COPB2: variants seen among roughly 807,000 people sequenced by gnomAD.
COPB2 encodes the protein coatomer subunit beta'.
COPB2 carries 16 observed loss-of-function variants against 120.8 expected under a neutral mutation model. The observed-to-expected ratio is 0.13, with a 90% CI of 0.09 to 0.20. COPB2 has a LOEUF of 0.20. COPB2 is among the 10% of genes least tolerant of loss of function. The pLI is 1.00. For synonymous variants in COPB2, 332 were observed against 366.3 expected, an observed-to-expected ratio of 0.91 and a Z score of 1.07; for missense variants, 794 against 1,076.5, an observed-to-expected ratio of 0.74 and a Z score of 3.67.
At chr3:139,380,478 C>T (rs1359727121) in intron 2 of COPB2, 1 of 152,162 alleles carries the variant, frequency 6.6e-6, no homozygotes, top group East Asian at 1.9e-4. Context: ...GAATTATACA[C>T]ATAGGATAAA....
chr3:139,358,306 G>C, intron 20 of COPB2, 35 bp from the exon 21 acceptor site: 5 of 1,554,608 alleles, frequency 3.2e-6, no homozygotes, highest in Non-Finnish European at 4.4e-6. Flanking sequence ...ATGAAGACAA[G>C]GGAATTTACT....
At chr3:139,374,292 T>TGATGAC (rs1206049076) in intron 7 of COPB2, 197 bp downstream of exon 7, 2 of 518,192 alleles carry the variant, frequency 3.9e-6, no homozygotes, top group African/African-American at 4.4e-5. Flanking sequence ...TACATGAGAA[T>TGATGAC]GATGACGATG....
At chr3:139,389,357 A>G (rs762309991) in intron 1 of COPB2, 191 bp downstream of exon 1, 5 of 945,806 alleles carry the variant, frequency 5.3e-6, no homozygotes, top group Non-Finnish European at 6.9e-6. Context: ...TGCCTCCCCA[A>G]ATCACCCCGG....
chr3:139,359,274 A>C lies in COPB2; in HGVS notation c.2299T>G (p.Ser767Ala), dbSNP rs199750374. The C allele has an allele frequency of 6.8e-5, 109 of 1,614,166 alleles. No individual in the cohort carries two copies. Among genetic ancestry groups the C allele is most frequent in the Non-Finnish European group, 9.0e-5 (106 of 1,179,998 alleles). Residue 767 changes from serine to alanine, a missense_variant, in exon 18 of 22, where the codon TCA becomes GCA. By Grantham distance (99) the Ser-to-Ala change is moderately conservative. Transcript: ENST00000333188. Reference protein sequence around the residue: ...LARTYLPSQVSRVVKLWRENL... With the variant: ...LARTYLPSQVARVVKLWRENL... ...CCTAAAATTAAAAGTCTGTACCTTGAAACCTGACTGGGTAAGTAAGTTCGG... is the reference window on the plus strand; with the variant it reads ...CCTAAAATTAAAAGTCTGTACCTTGCAACCTGACTGGGTAAGTAAGTTCGG...
At chr3:139,368,086 TAAG>T (rs1941552176) in intron 13 of COPB2, 56 bp downstream of exon 13, 1 of 1,553,134 alleles carries the variant, frequency 6.4e-7, no homozygotes, top group African/African-American at 1.4e-5. Flanking sequence ...AAGTCTGTTG[TAAG>T]AATATAAATC....
At chr3:139,387,262 A>G (rs933842305) in intron 1 of COPB2, among the ~76,000 whole-genome samples, 1 of 151,812 alleles carries the variant, frequency 6.6e-6, no homozygotes, top group African/African-American at 2.4e-5. Flanking sequence ...AAGGAAAGAA[A>G]AGAAAAAGAA....
Position 139,369,261 on chromosome 3 carries a change from A to G in COPB2, c.1401T>C (p.His467=). Residue 467 remains histidine, a splice_region_variant and synonymous_variant, in exon 12 of 22, where the codon CAT becomes CAC. Transcript: ENST00000333188. ...AAACAACAATGGAGGGGAAACTCAC[A>G]TGTTTGGGCTGAATTTCAATTCTTC... is the stretch of plus-strand genomic sequence containing the variant. The part of the protein sequence containing the change: ...LIRRIEIQPK[H]IFWSDSGELV... The G allele has an allele frequency of 6.2e-7, 1 of 1,601,062 alleles. No individual in the cohort carries two copies. The highest frequency in any genetic ancestry group is 8.5e-7 in the Non-Finnish European group (1 of 1,172,652).
At chr3:139,376,673 A>G (rs373038317) in intron 5 of COPB2, among the ~76,000 whole-genome samples, 8 of 152,256 alleles carry the variant, frequency 5.3e-5, no homozygotes, top group South Asian at 4.1e-4. Context: ...AGTGTTTTAT[A>G]TAGGTGAAAG....
At position 139,375,510 on chromosome 3, in the gene COPB2, A is replaced by G. The variant is rs778569468; in HGVS notation, c.609T>C (p.Ile203=). ...YYSGGDKPYL[I]SGADDRLVKI... Reference sequence around the variant, plus strand: ...TAACAAGACGGTCATCTGCACCTGAAATGAGGTATGGCTTGTCCCCACCAC... The same window carrying G: ...TAACAAGACGGTCATCTGCACCTGAGATGAGGTATGGCTTGTCCCCACCAC... Residue 203 remains isoleucine (I), a synonymous_variant, in exon 6 of 22, where the codon ATT becomes ATC. Transcript: ENST00000333188. The G allele has an allele frequency of 1.9e-6, 3 of 1,613,780 alleles. No individual in the cohort carries two copies. The highest frequency in any genetic ancestry group is 2.5e-6 in the Non-Finnish European group (3 of 1,179,740).
chr3:139,382,625 T>C (rs1395042273), intron 2 of COPB2: 1 of 152,276 alleles, frequency 6.6e-6, no homozygotes, highest in Non-Finnish European at 1.5e-5. Flanking sequence ...ATGCGAATTT[T>C]ACCTGGATTT....
At chr3:139,364,380 A>T (rs1434072799) in intron 15 of COPB2, among the ~76,000 whole-genome samples, 1 of 152,138 alleles carries the variant, frequency 6.6e-6, no homozygotes, top group Non-Finnish European at 1.5e-5. Flanking sequence ...CAAACTAAAG[A>T]GTCTCCAGAC....
intron 5 of COPB2, among the ~76,000 whole-genome samples, chr3:139,377,314 T>G (rs1388004500): frequency 1.3e-5 from 2 of 152,226 alleles, no homozygotes; most frequent in African/African-American, 4.8e-5. Flanking sequence ...TGGCTCTGTC[T>G]AGAGGTGAAG....
intron 10 of COPB2, among the ~76,000 whole-genome samples, chr3:139,370,706 G>A (rs1201317749): frequency 6.6e-6 from 1 of 152,112 alleles, no homozygotes; most frequent in African/African-American, 2.4e-5. Flanking sequence ...GTGATGTGAT[G>A]AGGGCTTTGC....
chr3:139,358,701 G>T, intron 20 of COPB2, 43 bp downstream of exon 20: 9 of 1,336,258 alleles, frequency 6.7e-6, no homozygotes, highest in Non-Finnish European at 9.6e-6. Flanking sequence ...AAAAAAAAGT[G>T]AACCATCTCA....
Position 139,367,249 on chromosome 3 carries a change from A to C in COPB2, c.1546-104T>G, listed in dbSNP as rs529175814. On this transcript the variant is annotated intron_variant, in intron 13 of 21. Transcript: ENST00000333188. ...TGATATGGCAGAATAAGGAATGCAA[A>C]GTAAAATCCTTCCTATTTCTAGAAA... 15 of 1,333,672 alleles carry C rather than the reference A, an allele frequency of 1.1e-5. No homozygotes were observed. In the African/African-American group the frequency reaches 1.6e-4, roughly 15 times the overall value. The allele number at this position is 1,333,672 out of a possible 1,614,324, so 82.6% of individuals were successfully genotyped here.
intron 1 of COPB2, among the ~76,000 whole-genome samples, chr3:139,387,243 G>T (rs1276400507): frequency 6.7e-6 from 1 of 150,318 alleles, no homozygotes; most frequent in African/African-American, 2.5e-5. Flanking sequence ...AGGAAAGAAG[G>T]AAGTAAGGAA....
chr3:139,374,402 C>G (rs1941680799), intron 7 of COPB2, 87 bp downstream of exon 7: 1 of 1,095,774 alleles, frequency 9.1e-7, no homozygotes, highest in African/African-American at 1.5e-5. Flanking sequence ...CCTTGGAAAC[C>G]TACAATTATA....
rs1941531958 is a variant in COPB2, at chr3:139,367,147, T to C, written c.1546-2A>G. 1 of 1,609,612 alleles carries C rather than the reference T, an allele frequency of 6.2e-7. No homozygotes were observed. The highest frequency in any genetic ancestry group is 1.7e-5 in the Admixed American group (1 of 58,890). On this transcript the variant is annotated splice_acceptor_variant, in intron 13 of 21. Coordinates refer to ENST00000333188, the MANE Select transcript of COPB2 (RefSeq NM_004766.3). LOFTEE classifies it high-confidence loss of function. ...AATTTCCTGAATCTCACCAAGAACC[T>C]GCAGAAAGAAAAATAAAGACAATTA...
Position 139,369,380 on chromosome 3 carries a change from T to C in COPB2, c.1295-13A>G, listed in dbSNP as rs1941581592. 1 of 1,609,974 alleles carries C rather than the reference T, an allele frequency of 6.2e-7. No individual in the cohort carries two copies. Among genetic ancestry groups the C allele is most frequent in the Non-Finnish European group, 8.5e-7 (1 of 1,178,440 alleles). On this transcript the variant is annotated splice_polypyrimidine_tract_variant and intron_variant, in intron 11 of 21. Coordinates refer to ENST00000333188, the MANE Select transcript of COPB2 (RefSeq NM_004766.3). ...CCGCCGTAGATACCTAAAGGGAACA[T>C]AAAAAGAGTTTTGCTTAGGCATTTT...
Sources: gnomAD v4.1 joint callset for allele counts (sites outside exome capture counted in the v4.1 genomes callset) on GRCh38, gnomAD v4.1.1 for gene constraint, MANE v1.5 for transcripts, NCBI Gene and HGNC (gene_info 2026-07-23, HGNC 2026-07-21) for gene names.